SLIT2: variants seen among roughly 807,000 people sequenced by gnomAD.
SLIT2 encodes slit guidance ligand 2.
In SLIT2, 41 loss-of-function variants were observed where a neutral mutation model predicts 185.7. That is an observed-to-expected ratio of 0.22 (90% confidence interval 0.17 to 0.29). SLIT2 has a LOEUF of 0.29. SLIT2 is among the 10% of genes least tolerant of loss of function. The pLI, the probability that SLIT2 is intolerant of heterozygous loss-of-function variation, is 1.00. For missense variants in SLIT2, 1,571 were observed against 1,909.0 expected (o/e 0.82, Z 3.30); for synonymous variants, 693 against 680.2 (o/e 1.02, Z -0.29).
At chr4:20,365,601 A>T (rs915563751) in intron 4 of SLIT2, among the ~76,000 whole-genome samples, 3 of 151,902 alleles carry the variant, frequency 2.0e-5, no homozygotes, top group Non-Finnish European at 4.4e-5. Flanking sequence ...TGACAACAGT[A>T]GTCTTTGTTT....
At chr4:20,383,650 A>G (rs564728362) in intron 4 of SLIT2, among the ~76,000 whole-genome samples, 48 of 152,260 alleles carry the variant, frequency 3.2e-4, no homozygotes, top group Non-Finnish European at 6.0e-4. Flanking sequence ...ATTGGAAGAC[A>G]TTTCAGCAGT....
At chr4:20,388,229 CT>C (rs913633428) in intron 4 of SLIT2, among the ~76,000 whole-genome samples, 6 of 152,198 alleles carry the variant, frequency 3.9e-5, no homozygotes, top group African/African-American at 1.4e-4. Flanking sequence ...AAATTTAAAT[CT>C]TCTAGTCTTT....
intron 4 of SLIT2, among the ~76,000 whole-genome samples, chr4:20,465,262 C>T (rs1304588884): frequency 6.6e-6 from 1 of 152,132 alleles, no homozygotes; most frequent in Admixed American, 6.6e-5. Flanking sequence ...AGCATGAACA[C>T]CAAACATCTC....
At chr4:20,389,636 A>G (rs978152026) in intron 4 of SLIT2, among the ~76,000 whole-genome samples, 6 of 151,908 alleles carry the variant, frequency 3.9e-5, no homozygotes, top group African/African-American at 1.5e-4. Context: ...AGGGCCAGAC[A>G]CTCACTTTTT....
At chr4:20,538,205 C>G (rs1371948001) in intron 18 of SLIT2, among the ~76,000 whole-genome samples, 1 of 152,172 alleles carries the variant, frequency 6.6e-6, no homozygotes, top group Non-Finnish European at 1.5e-5. Flanking sequence ...CGTGATCCGC[C>G]CGCCTCGGCC....
chr4:20,373,229 C>G (rs887473269), intron 4 of SLIT2, among the ~76,000 whole-genome samples: 8 of 152,058 alleles, frequency 5.3e-5, no homozygotes, highest in African/African-American at 1.9e-4. Flanking sequence ...TTATCATACT[C>G]AAGAAAACTG....
intron 4 of SLIT2, among the ~76,000 whole-genome samples, chr4:20,414,362 T>C (rs1727493222): frequency 6.6e-6 from 1 of 152,180 alleles, no homozygotes; most frequent in African/African-American, 2.4e-5. Context: ...AACTGTTGCT[T>C]TATGCAGTTG....
chr4:20,369,997 T>C (rs1322493983), intron 4 of SLIT2, among the ~76,000 whole-genome samples: 1 of 152,132 alleles, frequency 6.6e-6, no homozygotes, highest in Non-Finnish European at 1.5e-5. Context: ...GTACCAGCAA[T>C]TCTGCATCAT....
At chr4:20,548,376 C>A (rs960614413) in intron 22 of SLIT2, 112 bp from the exon 23 acceptor site, 5 of 619,256 alleles carry the variant, frequency 8.1e-6, no homozygotes, top group Non-Finnish European at 1.4e-5. Flanking sequence ...CAGATAACAG[C>A]TGAATGCTAA....
chr4:20,605,211 C>T (rs905370537), intron 33 of SLIT2, among the ~76,000 whole-genome samples: 65 of 152,254 alleles, frequency 4.3e-4, no homozygotes, highest in African/African-American at 1.5e-3. Flanking sequence ...TACAGAAATA[C>T]ATTATGTTTA....
intron 4 of SLIT2, among the ~76,000 whole-genome samples, chr4:20,423,747 A>G (rs1728343069): frequency 6.6e-6 from 1 of 152,182 alleles, no homozygotes; most frequent in Admixed American, 6.5e-5. Context: ...AACATAATGC[A>G]AATATAAATG....
chr4:20,280,063 G>A (rs1714572749), intron 4 of SLIT2, among the ~76,000 whole-genome samples: 1 of 152,152 alleles, frequency 6.6e-6, no homozygotes, highest in South Asian at 2.1e-4. Flanking sequence ...GCTGGGCATG[G>A]TGGCTCATGC....
chr4:20,581,413 C>A lies in SLIT2; in HGVS notation c.3089-8231C>A, dbSNP rs370805702. Among the ~76,000 whole-genome samples the A allele has an allele frequency of 1.2e-3, 176 of 152,248 alleles. 1 individual carries two copies. The highest frequency in any genetic ancestry group is 4.1e-3 in the African/African-American group (171 of 41,540). On this transcript the variant is annotated intron_variant, in intron 29 of 36. Coordinates refer to ENST00000504154, the MANE Select transcript of SLIT2 (RefSeq NM_004787.4). ...CTCACACATATTTTGTTTTGAGGGGCACAATTGAATCCTCAACACCACATC... is the reference window on the plus strand; with the variant it reads ...CTCACACATATTTTGTTTTGAGGGGAACAATTGAATCCTCAACACCACATC...
In SLIT2 at chr4:20,472,584, ATATAGATATATATC is replaced by A. The variant is rs1210923750; in HGVS notation, c.467+4773_467+4786del. On this transcript the variant is annotated intron_variant, in intron 5 of 36. Transcript: ENST00000504154. ...TATATCTATATATAGATATATCTAT[ATATAGATATATATC>A]TATAGATATATCTATATATATCGAT... 7.3e-4 allele frequency among the ~76,000 whole-genome samples: 26 copies of A among 35,822 alleles called. 12 individuals carry two copies. The highest frequency in any genetic ancestry group is 5.2e-3 in the African/African-American group (24 of 4,600). 23.5% of individuals were successfully genotyped at this position (35,822 alleles called of 152,430 possible). A position where few individuals can be genotyped will look rare whatever the true frequency, so the allele number is the denominator to read the frequency against.
rs1459330771 is a variant in SLIT2 at position 20,612,918 on chromosome 4, C to A, written c.3847+2751C>A. On this transcript the variant is annotated intron_variant, in intron 34 of 36. Coordinates refer to ENST00000504154, the MANE Select transcript of SLIT2 (RefSeq NM_004787.4). ...GGGCGACAATGGGAGACTCCATCTC[C>A]AAAAAAAAAAAAAAAAAATTATGTC... is the stretch of plus-strand genomic sequence containing the variant. Among the ~76,000 whole-genome samples the A allele has an allele frequency of 3.5e-3, 427 of 120,422 alleles. 1 individual carries two copies. Among genetic ancestry groups the A allele is most frequent in the African/African-American group, 3.8e-3 (119 of 30,992 alleles). The allele number at this position is 120,422 out of a possible 152,430, so 79.0% of individuals were successfully genotyped here.
At chr4:20,277,861 C>T (rs1326127806) in intron 4 of SLIT2, among the ~76,000 whole-genome samples, 4 of 151,210 alleles carry the variant, frequency 2.6e-5, no homozygotes, top group South Asian at 4.2e-4. Flanking sequence ...AAAGATTAGA[C>T]GTCATAAAAT....
intron 4 of SLIT2, among the ~76,000 whole-genome samples, chr4:20,283,062 AT>A (rs1425293752): frequency 6.6e-6 from 1 of 151,686 alleles, no homozygotes; most frequent in African/African-American, 2.4e-5. Context: ...TAGCACCACT[AT>A]TTGCTTTAGG....
intron 21 of SLIT2, among the ~76,000 whole-genome samples, 186 bp downstream of exon 21, chr4:20,542,812 CTGTGTGTGTGTGTGTGTGTG>C (rs753747459): frequency 1.8e-5 from 2 of 110,988 alleles, no homozygotes; most frequent in Non-Finnish European, 3.5e-5. Context: ...TTGGGAATTG[CTGTGTGTGTGTGTGTGTGTG>C]TGTGTGTGTG....
chr4:20,454,730 A>T (rs1015924417), intron 4 of SLIT2, among the ~76,000 whole-genome samples: 42 of 152,322 alleles, frequency 2.8e-4, no homozygotes, highest in African/African-American at 9.4e-4. Context: ...CCATTTTTAC[A>T]TGATATAGGT....
Sources: allele counts gnomAD v4.1 joint callset (sites outside exome capture counted in the v4.1 genomes callset), GRCh38; gene constraint gnomAD v4.1.1; transcripts MANE v1.5; gene names NCBI Gene and HGNC (gene_info 2026-07-23, HGNC 2026-07-21).